Variants in NEB observed in about 807,000 individuals in gnomAD.
NEB encodes nebulin.
In NEB, 512 loss-of-function variants were observed where a neutral mutation model predicts 952.2. The observed-to-expected ratio is 0.54, with a 90% CI of 0.50 to 0.58. The LOEUF (loss-of-function observed/expected upper bound fraction) is 0.58. Ranked by LOEUF, NEB falls within the 20% of genes least tolerant of loss-of-function variation. NEB has a pLI of 0.00. For missense variants in NEB, 8,428 were observed against 9,231.1 expected (o/e 0.91, Z 3.56); for synonymous variants, 2,900 against 3,149.8 (o/e 0.92, Z 2.66).
chr2:151,489,853 G>A, intron 181 of NEB, 118 bp downstream of exon 181: 1 of 622,868 alleles, frequency 1.6e-6, no homozygotes, highest in Non-Finnish European at 2.8e-6. Flanking sequence ...TAATAAAAGA[G>A]CATTATATAA....
chr2:151,518,831 T>C, intron 155 of NEB, 134 bp downstream of exon 155: 2 of 626,820 alleles, frequency 3.2e-6, no homozygotes, highest in Non-Finnish European at 5.7e-6. Context: ...TTTGGAAGAA[T>C]ACACTCAAAT....
chr2:151,561,123 C>T lies in NEB; in HGVS notation c.19102-15G>A, dbSNP rs776309752. ...TTATATTTTACCTGTAGACAAGCAA[C>T]AATAGGTTATTCACCTCTGTTGTTA... is the stretch of plus-strand genomic sequence containing the variant. On this transcript the variant is annotated splice_polypyrimidine_tract_variant and intron_variant, in intron 122 of 181. Transcript: ENST00000397345. The T allele has an allele frequency of 6.4e-7, 1 of 1,567,260 alleles. No homozygotes were observed. Among genetic ancestry groups the T allele is most frequent in the Non-Finnish European group, 8.7e-7 (1 of 1,142,926 alleles).
At chr2:151,522,992 T>C (rs2082987567) in intron 153 of NEB, among the ~76,000 whole-genome samples, 1 of 152,176 alleles carries the variant, frequency 6.6e-6, no homozygotes, top group Non-Finnish European at 1.5e-5. Flanking sequence ...CTCCATACCA[T>C]AGGATTCACT....
chr2:151,662,864 T>G (rs2099163645), intron 45 of NEB, among the ~76,000 whole-genome samples: 1 of 152,162 alleles, frequency 6.6e-6, no homozygotes, highest in African/African-American at 2.4e-5. Flanking sequence ...GCTTTGACAT[T>G]TCTCTCTACA....
rs769610035 is a variant in NEB, at chr2:151,493,802, C to A, written c.24645G>T (p.Val8215=). 1.3e-6 allele frequency: 2 copies of A among 1,584,566 alleles called. No homozygotes were observed. The highest frequency in any genetic ancestry group is 1.7e-6 in the Non-Finnish European group (2 of 1,163,306). ...AGCTAAAGTTTTCTTGATTGCGTTT[C>A]ACTCTTTCCATCTCAGGAGTAAAGG... ...PTPFTPEMER[V]KRNQENFSSV... The change falls in exon 175 of 182, where the codon GTG becomes GTT. Residue 8215 remains valine (V), a synonymous_variant. Coordinates refer to ENST00000397345, the MANE Select transcript of NEB (RefSeq NM_001164508.2).
intron 179 of NEB, among the ~76,000 whole-genome samples, 171 bp from the exon 180 acceptor site, chr2:151,490,689 T>G (rs1277234873): frequency 6.6e-6 from 1 of 152,226 alleles, no homozygotes; most frequent in Non-Finnish European, 1.5e-5. Flanking sequence ...CTTTCTTATT[T>G]TTACAGATGA....
intron 10 of NEB, among the ~76,000 whole-genome samples, chr2:151,712,949 G>C (rs570962421): frequency 2.2e-4 from 34 of 152,156 alleles, no homozygotes; most frequent in African/African-American, 8.2e-4. Flanking sequence ...GCAGTTGAAC[G>C]ATGGAAACTT....
At chr2:151,732,433 A>G (rs933758199) in intron 3 of NEB, among the ~76,000 whole-genome samples, 3 of 152,214 alleles carry the variant, frequency 2.0e-5, no homozygotes, top group Non-Finnish European at 4.4e-5. Flanking sequence ...AATTGGAAGG[A>G]AAATTTTCAA....
rs199498034 is a variant in NEB at position 151,638,811 on chromosome 2, G to C, written c.8994+469C>G. On this transcript the variant is annotated intron_variant, in intron 63 of 181. Coordinates refer to ENST00000397345, the MANE Select transcript of NEB (RefSeq NM_001164508.2). ...CTGACAGATATTTCTCTCTCTCTGT[G>C]TGTGTGTGTGTGTGTGTGTGTGTGT... is the stretch of plus-strand genomic sequence containing the variant. Among the ~76,000 whole-genome samples, 292 of 77,722 alleles carry C rather than the reference G, an allele frequency of 3.8e-3. 1 individual carries two copies. The highest frequency in any genetic ancestry group is 7.6e-3 in the Admixed American group (74 of 9,716). The allele number at this position is 77,722 out of a possible 152,430, so 51.0% of individuals were successfully genotyped here. A position where few individuals can be genotyped will look rare whatever the true frequency, so the allele number is the denominator to read the frequency against.
chr2:151,632,443 A>AG (rs1411975476), intron 65 of NEB, among the ~76,000 whole-genome samples: 1 of 152,046 alleles, frequency 6.6e-6, no homozygotes, highest in Non-Finnish European at 1.5e-5. Flanking sequence ...TGGGATGCTG[A>AG]GGGGGGCAGA....
In NEB at chr2:151,490,083, A is replaced by G. The variant is rs1324921724; in HGVS notation, c.25298-6T>C. 1.9e-6 allele frequency: 3 copies of G among 1,593,964 alleles called. No homozygotes were observed. ...GGTTTTTGCATGTTTGTAAGCTGAA[A>G]AAAAGGGGGCAAATTCTTTATAAGA... On this transcript the variant is annotated splice_region_variant and splice_polypyrimidine_tract_variant and intron_variant, in intron 180 of 181. Coordinates refer to ENST00000397345, the MANE Select transcript of NEB (RefSeq NM_001164508.2).
At chr2:151,656,076 C>G in intron 49 of NEB, 53 bp from the exon 50 acceptor site, 1 of 1,593,108 alleles carries the variant, frequency 6.3e-7, no homozygotes, top group Non-Finnish European at 8.6e-7. Context: ...AGACACAAAC[C>G]ATGGCATGTA....
At chr2:151,498,405 C>T (rs2061812232) in intron 169 of NEB, 53 bp from the exon 170 acceptor site, 2 of 1,348,998 alleles carry the variant, frequency 1.5e-6, no homozygotes, top group Non-Finnish European at 2.1e-6. Flanking sequence ...CAGTCATTTT[C>T]CCCCTGCTTT....
chr2:151,531,757 A>C, intron 144 of NEB, 35 bp downstream of exon 144: 1 of 1,486,616 alleles, frequency 6.7e-7, no homozygotes, highest in Non-Finnish European at 9.3e-7. Flanking sequence ...ATGCCCCCTG[A>C]GTTTGAGAAG....
Position 151,672,364 on chromosome 2 carries a change from C to T in NEB, c.4299+5G>A, listed in dbSNP as rs1575773703. 1 of 1,584,476 alleles carries T rather than the reference C, an allele frequency of 6.3e-7. No individual in the cohort carries two copies. The highest frequency in any genetic ancestry group is 8.6e-7 in the Non-Finnish European group (1 of 1,161,902). ...ATCTCTGGGTCTGTTGTTACACATA[C>T]TTACATCACTCTGAATTTGATTGAC... On this transcript the variant is annotated splice_donor_5th_base_variant and intron_variant, in intron 37 of 181. Transcript: ENST00000397345.
intron 51 of NEB, 93 bp downstream of exon 51, chr2:151,655,177 C>T (rs1280974491): frequency 4.0e-6 from 3 of 758,256 alleles, no homozygotes; most frequent in Non-Finnish European, 4.0e-6. Context: ...ACTTCCATTG[C>T]TTCAACATTT....
chr2:151,562,343 G>A, intron 120 of NEB, 129 bp from the exon 121 acceptor site: 1 of 837,346 alleles, frequency 1.2e-6, no homozygotes, highest in Non-Finnish European at 2.0e-6. Flanking sequence ...CTCACCAGCT[G>A]GAAGGTCTTT....
chr2:151,641,720 C>CTTAAATTATAATTAAT (rs1560873437), intron 60 of NEB, among the ~76,000 whole-genome samples: 2 of 152,042 alleles, frequency 1.3e-5, no homozygotes, highest in Non-Finnish European at 2.9e-5. Flanking sequence ...ATTATGATTA[C>CTTAAATTATAATTAAT]TTCCCATATT....
At chr2:151,729,883 G>A (rs969331829) in intron 3 of NEB, among the ~76,000 whole-genome samples, 1 of 152,110 alleles carries the variant, frequency 6.6e-6, no homozygotes, top group African/African-American at 2.4e-5. Flanking sequence ...AGATGCAGAG[G>A]GCTGAGAAAA....
Sources: gnomAD v4.1 joint callset for allele counts (sites outside exome capture counted in the v4.1 genomes callset) on GRCh38, gnomAD v4.1.1 for gene constraint, MANE v1.5 for transcripts, NCBI Gene and HGNC (gene_info 2026-07-23, HGNC 2026-07-21) for gene names.